LRRC20: variants seen among roughly 807,000 people sequenced by gnomAD.
The protein encoded by LRRC20 is leucine rich repeat containing 20, also known as leucine-rich repeat-containing protein 20.
In LRRC20, 11 loss-of-function variants were observed where a neutral mutation model predicts 14.4. The ratio of observed to expected loss-of-function variants is 0.77; its 90% CI spans 0.48 to 1.27. LRRC20 has a LOEUF of 1.27. Ranked by LOEUF, LRRC20 falls within the 50% of genes most tolerant of loss-of-function variation. LRRC20 has a pLI of 0.00. For synonymous variants in LRRC20, 121 were observed against 107.3 expected (o/e 1.13, Z -0.79); for missense variants, 219 against 251.2 (o/e 0.87, Z 0.87).
At position 70,323,910 on chromosome 10, in the gene LRRC20, G is replaced by A. The variant is rs1842199497; in HGVS notation, c.353C>T (p.Ala118Val). The A allele has an allele frequency of 1.2e-6, 2 of 1,614,108 alleles. No homozygotes were observed. The highest frequency in any genetic ancestry group is 1.7e-6 in the Non-Finnish European group (2 of 1,180,054). The change falls in exon 4 of 5, where the codon GCC becomes GTC. Residue 118 changes from alanine to valine, a missense_variant. Ala to Val is a moderately conservative substitution (Grantham distance 64). Coordinates refer to ENST00000446961, the MANE Select transcript of LRRC20 (RefSeq NM_001278212.2). ...GTTGATGGTCTCCAGCGCCGGCAGG[G>A]CGGTAAGCTGCTCAGGGAAGTCCTG... The part of the protein sequence containing the change: ...QFQDFPEQLT[A>V]LPALETINLE...
chr10:70,381,338 G>A (rs942009325), intron 1 of LRRC20, among the ~76,000 whole-genome samples: 1 of 152,190 alleles, frequency 6.6e-6, no homozygotes, highest in African/African-American at 2.4e-5. Context: ...TAAATTCAAT[G>A]CCAGACAAAA....
At chr10:70,316,543 T>C (rs992866253) in intron 4 of LRRC20, among the ~76,000 whole-genome samples, 3 of 152,212 alleles carry the variant, frequency 2.0e-5, no homozygotes, top group Non-Finnish European at 4.4e-5. Flanking sequence ...TTCATCCAGG[T>C]TTCACCACAC....
intron 4 of LRRC20, among the ~76,000 whole-genome samples, chr10:70,302,418 G>A (rs1386472840): frequency 6.6e-6 from 1 of 152,182 alleles, no homozygotes; most frequent in Non-Finnish European, 1.5e-5. Context: ...TGAATTCATA[G>A]AAACAGAAAG....
chr10:70,350,030 C>G (rs760407549), intron 2 of LRRC20, among the ~76,000 whole-genome samples: 4 of 152,238 alleles, frequency 2.6e-5, no homozygotes, highest in Non-Finnish European at 5.9e-5. Context: ...CTGGGACTCC[C>G]TCCTTGAGCT....
At chr10:70,321,242 C>T (rs74139078) in intron 4 of LRRC20, among the ~76,000 whole-genome samples, 2,020 of 152,360 alleles carry the variant, frequency 0.013, 54 homozygotes, top group African/African-American at 0.046. Flanking sequence ...CAGTGAGGTG[C>T]TGCAGGAGCT....
chr10:70,364,341 T>G (rs779767175), intron 2 of LRRC20, among the ~76,000 whole-genome samples: 8 of 152,224 alleles, frequency 5.3e-5, no homozygotes, highest in Non-Finnish European at 1.0e-4. Flanking sequence ...TAGAGCGATG[T>G]CTGCCTCCCC....
chr10:70,307,452 C>T (rs933750033), intron 4 of LRRC20, among the ~76,000 whole-genome samples: 15 of 152,252 alleles, frequency 9.9e-5, no homozygotes, highest in Non-Finnish European at 1.9e-4. Flanking sequence ...TCCTATCCTG[C>T]ACCCCCAACA....
At chr10:70,319,968 G>C (rs372072939) in intron 4 of LRRC20, among the ~76,000 whole-genome samples, 27 of 152,282 alleles carry the variant, frequency 1.8e-4, no homozygotes, top group African/African-American at 6.5e-4. Context: ...CTGGGAAAGG[G>C]AGAAGCCCCT....
At chr10:70,308,961 T>C (rs1284531361) in intron 4 of LRRC20, among the ~76,000 whole-genome samples, 2 of 152,170 alleles carry the variant, frequency 1.3e-5, no homozygotes, top group Non-Finnish European at 2.9e-5. Flanking sequence ...GTGCTGCCTA[T>C]GGTAGTTCTT....
chr10:70,368,635 A>G (rs9733713), intron 2 of LRRC20, among the ~76,000 whole-genome samples: 145,642 of 151,920 alleles, frequency 0.96, 70,085 homozygotes, highest in East Asian at 1. Flanking sequence ...TTTTGGCGGC[A>G]GGGGGGACTG....
In LRRC20 at chr10:70,300,608, T is replaced by C; in HGVS notation, c.*746A>G. The C allele has an allele frequency of 1.0e-6, 1 of 985,582 alleles. No individual in the cohort carries two copies. Among genetic ancestry groups the C allele is most frequent in the Non-Finnish European group, 1.2e-6 (1 of 830,046 alleles). The allele number at this position is 985,582 out of a possible 1,614,324, so 61.1% of individuals were successfully genotyped here. A position where few individuals can be genotyped will look rare whatever the true frequency, so the allele number is the denominator to read the frequency against. On this transcript the variant is annotated 3_prime_UTR_variant, in exon 5 of 5. Coordinates refer to ENST00000446961, the MANE Select transcript of LRRC20 (RefSeq NM_001278212.2). ...CTCTCCCGCAGCTCAGGAGTGATGC[T>C]AGAGGGACGGAGCACTCAGGACTTC...
At chr10:70,380,246 AG>A (rs1188361995) in intron 1 of LRRC20, among the ~76,000 whole-genome samples, 4 of 152,234 alleles carry the variant, frequency 2.6e-5, no homozygotes, top group Non-Finnish European at 4.4e-5. Context: ...GCAATTCAGT[AG>A]GAAGAAGGGC....
chr10:70,305,697 A>G (rs1207968987), intron 4 of LRRC20, among the ~76,000 whole-genome samples: 1 of 152,192 alleles, frequency 6.6e-6, no homozygotes, highest in Non-Finnish European at 1.5e-5. Context: ...AAAACTAAAA[A>G]TAAAAACTAG....
intron 4 of LRRC20, among the ~76,000 whole-genome samples, chr10:70,311,264 T>C (rs769641641): frequency 2.8e-5 from 4 of 141,836 alleles, no homozygotes; most frequent in African/African-American, 1.1e-4. Flanking sequence ...AGTCTTGCTC[T>C]GTTGCCCAGG....
At chr10:70,343,438 T>G (rs1277068176) in intron 2 of LRRC20, among the ~76,000 whole-genome samples, 1 of 152,160 alleles carries the variant, frequency 6.6e-6, no homozygotes. Context: ...GGGGTGTTGT[T>G]AATGCCTCCT....
chr10:70,376,180 C>T (rs1844501375), intron 2 of LRRC20, among the ~76,000 whole-genome samples: 1 of 152,168 alleles, frequency 6.6e-6, no homozygotes, highest in Non-Finnish European at 1.5e-5. Context: ...TGTATTTTCA[C>T]CTGGTCCAAG....
At chr10:70,359,066 C>A (rs1843627123) in intron 2 of LRRC20, among the ~76,000 whole-genome samples, 1 of 152,152 alleles carries the variant, frequency 6.6e-6, no homozygotes, top group African/African-American at 2.4e-5. Flanking sequence ...CACTAGTCTG[C>A]AGCAAAGTAA....
chr10:70,337,062 C>T (rs1842743855), intron 3 of LRRC20, among the ~76,000 whole-genome samples: 1 of 152,172 alleles, frequency 6.6e-6, no homozygotes, highest in South Asian at 2.1e-4. Flanking sequence ...CTAGAGATGA[C>T]CCACCCCTGC....
At chr10:70,302,376 T>C (rs1219555454) in intron 4 of LRRC20, among the ~76,000 whole-genome samples, 1 of 152,058 alleles carries the variant, frequency 6.6e-6, no homozygotes, top group Non-Finnish European at 1.5e-5. Flanking sequence ...AAATACCGTA[T>C]GACTCCACTT....
Sources: allele counts gnomAD v4.1 joint callset (sites outside exome capture counted in the v4.1 genomes callset), GRCh38; gene constraint gnomAD v4.1.1; transcripts MANE v1.5; gene names NCBI Gene and HGNC (gene_info 2026-07-23, HGNC 2026-07-21).